MYO10: variants seen among roughly 807,000 people sequenced by gnomAD.
MYO10 encodes unconventional myosin-X.
A neutral mutation model predicts 257.3 loss-of-function variants in MYO10; 133 were observed. That is an observed-to-expected ratio of 0.52 (90% confidence interval 0.45 to 0.60). MYO10 has a LOEUF of 0.60. Among genes scored for constraint, MYO10 ranks in the 20% least tolerant of loss-of-function variants. The pLI, the probability that MYO10 is intolerant of heterozygous loss-of-function variation, is 0.00. For missense variants in MYO10, 2,399 were observed against 2,635.7 expected (o/e 0.91, Z 1.97); for synonymous variants, 1,104 against 1,028.6 (o/e 1.07, Z -1.40).
chr5:16,920,495 G>T (rs1272221445), intron 1 of MYO10, among the ~76,000 whole-genome samples: 1 of 152,162 alleles, frequency 6.6e-6, no homozygotes, highest in Non-Finnish European at 1.5e-5. Flanking sequence ...AAAGAAGTAG[G>T]TGCTGGGGGT....
intron 2 of MYO10, among the ~76,000 whole-genome samples, chr5:16,871,700 C>T (rs253313): frequency 0.056 from 8,548 of 152,122 alleles, 689 homozygotes; most frequent in African/African-American, 0.18. Flanking sequence ...TGCTTGGCGA[C>T]GATTCCTGCA....
Position 16,873,329 on chromosome 5 carries a change from G to C in MYO10, c.120+4280C>G, listed in dbSNP as rs921635192. On this transcript the variant is annotated intron_variant, in intron 2 of 40. Transcript: ENST00000513610. ...GGTCTCACATCCAGGTCACACTGCT[G>C]TAAGAAGTGGGTTCCCATGGTCTTG... is the stretch of plus-strand genomic sequence containing the variant. 3.3e-5 allele frequency among the ~76,000 whole-genome samples: 5 copies of C among 152,234 alleles called. No individual in the cohort carries two copies. In the South Asian group the frequency reaches 6.2e-4, roughly 19 times the overall value.
intron 1 of MYO10, among the ~76,000 whole-genome samples, chr5:16,923,116 A>G (rs1221387484): frequency 6.6e-6 from 1 of 152,148 alleles, no homozygotes; most frequent in African/African-American, 2.4e-5. Flanking sequence ...TCCAGTTTCA[A>G]CGAGAGTTCT....
At chr5:16,732,001 C>G (rs1739602524) in intron 19 of MYO10, among the ~76,000 whole-genome samples, 1 of 152,028 alleles carries the variant, frequency 6.6e-6, no homozygotes, top group South Asian at 2.1e-4. Flanking sequence ...ATGGAGATAC[C>G]AAGAGCAAGG....
At chr5:16,849,150 C>T (rs538322212) in intron 2 of MYO10, among the ~76,000 whole-genome samples, 51 of 152,234 alleles carry the variant, frequency 3.4e-4, no homozygotes, top group African/African-American at 1.2e-3. Flanking sequence ...AGTACTTTTG[C>T]CCTTCCTATT....
intron 9 of MYO10, among the ~76,000 whole-genome samples, chr5:16,774,621 CTG>C (rs1391306839): frequency 6.6e-6 from 1 of 152,036 alleles, no homozygotes; most frequent in Admixed American, 6.6e-5. Context: ...CGGGGTTTCA[CTG>C]TGTTAGCCAG....
At chr5:16,809,593 T>C (rs1051173170) in intron 3 of MYO10, among the ~76,000 whole-genome samples, 1 of 152,240 alleles carries the variant, frequency 6.6e-6, no homozygotes, top group Non-Finnish European at 1.5e-5. Context: ...GCCTGACAGA[T>C]GCAGGCTTCA....
At chr5:16,931,245 T>A (rs1212236403) in intron 1 of MYO10, among the ~76,000 whole-genome samples, 1 of 152,148 alleles carries the variant, frequency 6.6e-6, no homozygotes, top group Non-Finnish European at 1.5e-5. Flanking sequence ...CTCTCCAGCC[T>A]GGGCAACAAG....
chr5:16,739,704 T>TA (rs575470871), intron 19 of MYO10, among the ~76,000 whole-genome samples: 43 of 147,918 alleles, frequency 2.9e-4, no homozygotes, highest in Middle Eastern at 7.0e-3. Context: ...TTTATTAAGT[T>TA]AAAAAAAAAA....
Position 16,701,083 on chromosome 5 carries a change from G to T in MYO10, c.3312C>A (p.Gly1104=). 1 of 1,580,236 alleles carries T rather than the reference G, an allele frequency of 6.3e-7. No individual in the cohort carries two copies. The highest frequency in any genetic ancestry group is 8.6e-7 in the Non-Finnish European group (1 of 1,163,796). ...DDYEDGAITS[G]SSVTFSNSYG... is the part of the protein sequence containing the mutation. ...AGGAGTTGGAGAAGGTCACGCTGCTGCCGGAAGTGATGGCACCGTCCTCAT... is the reference window on the plus strand; with the variant it reads ...AGGAGTTGGAGAAGGTCACGCTGCTTCCGGAAGTGATGGCACCGTCCTCAT... The change falls in exon 25 of 41, where the codon GGC becomes GGA. Residue 1104 remains glycine, a synonymous_variant. Transcript: ENST00000513610. This position sits in a 1 kb window ranked among gnomAD's most constrained non-coding sequence, Gnocchi z 8.1.
intron 2 of MYO10, among the ~76,000 whole-genome samples, chr5:16,844,836 TGGGGTGG>T (rs1437866304): frequency 8.3e-6 from 1 of 120,552 alleles, no homozygotes; most frequent in Non-Finnish European, 1.7e-5. Context: ...TGCTAAGAAA[TGGGGTGG>T]GGGGTGGGAG....
At chr5:16,819,969 G>A (rs1165127975) in intron 2 of MYO10, among the ~76,000 whole-genome samples, 1 of 152,210 alleles carries the variant, frequency 6.6e-6, no homozygotes, top group Non-Finnish European at 1.5e-5. Flanking sequence ...GTCCCCAGCT[G>A]CTTCCTGGGC....
chr5:16,775,012 C>T (rs916438445), intron 9 of MYO10, among the ~76,000 whole-genome samples: 1 of 152,132 alleles, frequency 6.6e-6, no homozygotes, highest in Non-Finnish European at 1.5e-5. Flanking sequence ...TGTAAACATT[C>T]GATATTTGTG....
At chr5:16,796,244 T>A (rs1580000814) in intron 3 of MYO10, among the ~76,000 whole-genome samples, 1 of 73,918 alleles carries the variant, frequency 1.4e-5, no homozygotes, top group Non-Finnish European at 2.7e-5. Flanking sequence ...AGAGCGAGCG[T>A]GCGAGAGAGA....
intron 27 of MYO10, among the ~76,000 whole-genome samples, chr5:16,692,951 C>T (rs1344857552): frequency 1.3e-5 from 2 of 152,200 alleles, no homozygotes; most frequent in Non-Finnish European, 2.9e-5. Flanking sequence ...CCCTCTCTCA[C>T]AGCTTCTTGG....
At chr5:16,821,059 TATATA>T (rs1462069056) in intron 2 of MYO10, among the ~76,000 whole-genome samples, 2 of 147,398 alleles carry the variant, frequency 1.4e-5, no homozygotes, top group Non-Finnish European at 3.0e-5. Context: ...ATATGTATAA[TATATA>T]ATATATAAGA....
At position 16,711,222 on chromosome 5, in the gene MYO10, C is replaced by T. The variant is rs750982404; in HGVS notation, c.1953G>A (p.Ala651=). ...AGTACCGCAGCTGGTTCAGCACAAC[C>T]GCCTGGTCAAACTGGTCTGGCATCT... ...MQKMPDQFDQ[A]VVLNQLRYSG... The change falls in exon 20 of 41, where the codon GCG becomes GCA. Residue 651 remains alanine (A), a synonymous_variant. Transcript: ENST00000513610. The T allele has an allele frequency of 4.8e-5, 77 of 1,612,360 alleles. No homozygotes were observed. In the Admixed American group the frequency reaches 6.9e-4, roughly 14 times the overall value.
Position 16,701,190 on chromosome 5 carries a change from C to T in MYO10, c.3205G>A (p.Gly1069Ser), listed in dbSNP as rs557920827. 47 of 1,609,128 alleles carry T rather than the reference C, an allele frequency of 2.9e-5. No individual in the cohort carries two copies. Among genetic ancestry groups the T allele is most frequent in the East Asian group, 1.8e-4 (8 of 44,680 alleles). ...TGGGGCATGCAGTAGGTGGACTCGC[C>T]GCTGGAGGAGTTGTGTAGGCTCCCG... The part of the protein sequence containing the change: ...DSGSLHNSSS[G>S]ESTYCMPQNA... The change falls in exon 25 of 41, where the codon GGC becomes AGC. Residue 1069 changes from glycine (G) to serine (S), a missense_variant. Gly to Ser is a moderately conservative substitution (Grantham distance 56). This residue lies in a region of MYO10 where 1,820 missense variants were observed against 1,939.4 expected (regional missense o/e 0.94). Transcript: ENST00000513610. The surrounding 1 kb of genome is among the most constrained non-coding windows in gnomAD (Gnocchi z 8.1).
At chr5:16,784,881 A>G (rs1741527626) in intron 4 of MYO10, among the ~76,000 whole-genome samples, 6 of 152,180 alleles carry the variant, frequency 3.9e-5, no homozygotes. Flanking sequence ...CCACTGGTCT[A>G]GACAACCACA....
Sources: allele counts gnomAD v4.1 joint callset (sites outside exome capture counted in the v4.1 genomes callset), GRCh38; gene constraint gnomAD v4.1.1; regional missense constraint gnomAD v4.1.1; non-coding constraint Gnocchi (gnomAD v3.1); transcripts MANE v1.5; gene names NCBI Gene and HGNC (gene_info 2026-07-23, HGNC 2026-07-21).